The following VTI1A variants were observed in gnomAD, a reference collection of about 807,000 sequenced individuals.
VTI1A encodes vesicle transport through interaction with t-SNAREs homolog 1A.
A neutral mutation model predicts 34.9 loss-of-function variants in VTI1A; 22 were observed. That is an observed-to-expected ratio of 0.63 (90% CI 0.45 to 0.90). The LOEUF is 0.90. VTI1A is among the 40% of genes least tolerant of loss of function. VTI1A has a pLI of 0.00. For missense variants in VTI1A, 268 were observed against 275.6 expected (o/e 0.97, Z 0.20); for synonymous variants, 87 against 97.3 (o/e 0.89, Z 0.62).
At chr10:112,784,558 G>A (rs1316617620) in intron 7 of VTI1A, among the ~76,000 whole-genome samples, 1 of 152,114 alleles carries the variant, frequency 6.6e-6, no homozygotes, top group Non-Finnish European at 1.5e-5. Context: ...ATGTTTTAAC[G>A]CTAAATTGGG....
At chr10:112,639,302 CATT>C (rs1165088812) in intron 5 of VTI1A, among the ~76,000 whole-genome samples, 14 of 152,116 alleles carry the variant, frequency 9.2e-5, no homozygotes, top group Admixed American at 9.2e-4. Context: ...AGCAAAATAT[CATT>C]TAAATACTGA....
At chr10:112,847,223 A>G in the VTI1A span, among the ~76,000 whole-genome samples, 1 of 152,042 alleles carries the variant, frequency 6.6e-6, no homozygotes, top group African/African-American at 2.4e-5. Flanking sequence ...TCCCTCAGTA[A>G]GTTTTTGACT....
intron 5 of VTI1A, among the ~76,000 whole-genome samples, chr10:112,589,016 G>GACTTTTTT (rs1564838936): frequency 2.3e-5 from 2 of 85,272 alleles, no homozygotes; most frequent in African/African-American, 5.2e-5. Flanking sequence ...TTGACTCCTT[G>GACTTTTTT]TCTTTTTTTT....
rs1851688544 is a variant in VTI1A at position 112,767,767 on chromosome 10, C to T, written c.561-47523C>T. 6.6e-6 allele frequency among the ~76,000 whole-genome samples: 1 copy of T among 151,820 alleles called. No individual in the cohort carries two copies. The highest frequency in any genetic ancestry group is 6.6e-5 in the Admixed American group (1 of 15,252). On this transcript the variant is annotated intron_variant, in intron 7 of 7. Transcript: ENST00000393077. This position sits in a 1 kb window ranked among gnomAD's most constrained non-coding sequence, Gnocchi z 4.0. ...ATAATTTTTAAAATTGTTTGAAGAC[C>T]AATGGGACATGTAACTAACTTATTT... is the stretch of plus-strand genomic sequence containing the variant.
Position 112,816,678 on chromosome 10 carries a change from G to C in VTI1A, c.*1295G>C, listed in dbSNP as rs1314982040. On this transcript the variant is annotated 3_prime_UTR_variant, in exon 8 of 8. Coordinates refer to ENST00000393077, the MANE Select transcript of VTI1A (RefSeq NM_145206.4). Reference sequence around the variant, plus strand: ...GAATGTTTTTCTCAAGACTTCATAGGCACTTACTGGTCCGTACTATCTTTG... The same window carrying C: ...GAATGTTTTTCTCAAGACTTCATAGCCACTTACTGGTCCGTACTATCTTTG... 1.8e-5 allele frequency: 4 copies of C among 226,484 alleles called. No individual in the cohort carries two copies. Among genetic ancestry groups the C allele is most frequent in the Non-Finnish European group, 8.8e-6 (1 of 113,938 alleles). 14.0% of individuals were successfully genotyped at this position (226,484 alleles called of 1,614,324 possible).
chr10:112,755,141 G>T (rs1851236791), intron 7 of VTI1A, among the ~76,000 whole-genome samples: 1 of 152,112 alleles, frequency 6.6e-6, no homozygotes, highest in East Asian at 1.9e-4. Context: ...TGTAATCCCA[G>T]CTACCTCAGG....
intron 7 of VTI1A, among the ~76,000 whole-genome samples, chr10:112,683,654 T>G (rs1453306485): frequency 6.6e-6 from 1 of 152,202 alleles, no homozygotes; most frequent in African/African-American, 2.4e-5. Context: ...CTCTACTCAC[T>G]TAATATTATA....
intron 5 of VTI1A, among the ~76,000 whole-genome samples, chr10:112,575,468 T>A (rs7077945): frequency 0.69 from 104,588 of 152,120 alleles, 38,191 homozygotes; most frequent in East Asian, 0.97. Flanking sequence ...TAATGGCCAA[T>A]GGTACAGCAG....
At chr10:112,480,032 G>C (rs74158730) in intron 3 of VTI1A, among the ~76,000 whole-genome samples, 1 of 152,224 alleles carries the variant, frequency 6.6e-6, no homozygotes, top group African/African-American at 2.4e-5. Flanking sequence ...TGACTTTAGC[G>C]TACATACCTA....
intron 5 of VTI1A, among the ~76,000 whole-genome samples, chr10:112,605,350 A>G (rs917667901): frequency 6.6e-6 from 1 of 152,228 alleles, no homozygotes; most frequent in Non-Finnish European, 1.5e-5. Context: ...TTACAGAAGA[A>G]CCAACAAGTC....
intron 7 of VTI1A, among the ~76,000 whole-genome samples, chr10:112,803,163 G>GCCCAA (rs1852935788): frequency 6.6e-6 from 1 of 152,094 alleles, no homozygotes; most frequent in Non-Finnish European, 1.5e-5. Flanking sequence ...CTGCCTCCTG[G>GCCCAA]GTTCAAGCAT....
intron 7 of VTI1A, among the ~76,000 whole-genome samples, chr10:112,685,466 TC>T (rs1848369774): frequency 6.6e-6 from 1 of 152,238 alleles, no homozygotes; most frequent in South Asian, 2.1e-4. Flanking sequence ...CTTTTCTTTA[TC>T]CTATTGCCTC....
At chr10:112,745,431 C>T (rs755274208) in intron 7 of VTI1A, among the ~76,000 whole-genome samples, 8 of 152,096 alleles carry the variant, frequency 5.3e-5, no homozygotes, top group Non-Finnish European at 7.4e-5. Context: ...GTGCCACCCA[C>T]GTACCTCCAG....
chr10:112,610,181 T>C (rs1347863298), intron 5 of VTI1A, among the ~76,000 whole-genome samples: 3 of 151,880 alleles, frequency 2.0e-5, no homozygotes, highest in Non-Finnish European at 2.9e-5. Flanking sequence ...CAGTCTTTTT[T>C]TTTTTTTCCT....
chr10:112,760,985 C>T (rs1474590295), intron 7 of VTI1A, among the ~76,000 whole-genome samples: 3 of 151,638 alleles, frequency 2.0e-5, no homozygotes, highest in Non-Finnish European at 4.4e-5. Context: ...ATGCAGAAAT[C>T]GGACATAGAA....
intron 7 of VTI1A, among the ~76,000 whole-genome samples, chr10:112,796,180 C>A (rs1852667260): frequency 6.6e-6 from 1 of 152,070 alleles, no homozygotes. Context: ...GGGCAGATCA[C>A]CTGAGGTCAG....
chr10:112,625,319 A>G (rs1194894378), intron 5 of VTI1A, among the ~76,000 whole-genome samples: 3 of 152,100 alleles, frequency 2.0e-5, no homozygotes, highest in Admixed American at 6.6e-5. Flanking sequence ...ATTGGAGACT[A>G]TTATTCTAAG....
intron 7 of VTI1A, among the ~76,000 whole-genome samples, chr10:112,731,591 AC>A (rs1471748628): frequency 3.4e-5 from 5 of 148,368 alleles, no homozygotes; most frequent in Non-Finnish European, 7.4e-5. Context: ...AAAAAAAAAA[AC>A]TGCATAAAAC....
At chr10:112,851,524 C>A in the VTI1A span, among the ~76,000 whole-genome samples, 1 of 152,206 alleles carries the variant, frequency 6.6e-6, no homozygotes, top group African/African-American at 2.4e-5. Context: ...ATGAAGTAGG[C>A]TGCTCTGTTT....
Sources: allele counts gnomAD v4.1 joint callset (sites outside exome capture counted in the v4.1 genomes callset), GRCh38; gene constraint gnomAD v4.1.1; non-coding constraint Gnocchi (gnomAD v3.1); transcripts MANE v1.5; gene names NCBI Gene and HGNC (gene_info 2026-07-23, HGNC 2026-07-21).